Variants in COL24A1 observed in about 807,000 individuals in gnomAD.
COL24A1 encodes the protein collagen alpha-1(XXIV) chain.
In COL24A1, 224 loss-of-function variants were observed where a neutral mutation model predicts 253.9. The ratio of observed to expected loss-of-function variants is 0.88; its 90% CI spans 0.79 to 0.99. The LOEUF is 0.99. Ranked by LOEUF, COL24A1 falls within the 50% of genes least tolerant of loss-of-function variation. The pLI is 0.00. For missense variants in COL24A1, 2,131 were observed against 2,068.5 expected (o/e 1.03, Z -0.59); for synonymous variants, 685 against 673.7 (o/e 1.02, Z -0.26).
At chr1:85,858,616 TCTCC>T (rs758179112) in intron 37 of COL24A1, among the ~76,000 whole-genome samples, 8 of 68,018 alleles carry the variant, frequency 1.2e-4, no homozygotes, top group African/African-American at 3.3e-4. Flanking sequence ...CTCCTTATTT[TCTCC>T]CTCCTTCCTT....
chr1:85,941,221 A>G (rs1688727858), intron 24 of COL24A1, among the ~76,000 whole-genome samples: 1 of 152,182 alleles, frequency 6.6e-6, no homozygotes, highest in African/African-American at 2.4e-5. Context: ...AATTAGTTCT[A>G]TATTTCTTCC....
At chr1:86,129,366 C>T (rs186878817) in intron 2 of COL24A1, among the ~76,000 whole-genome samples, 9 of 151,482 alleles carry the variant, frequency 5.9e-5, no homozygotes, top group Middle Eastern at 3.4e-3. Context: ...ATGTATACAG[C>T]CTTCAGATTT....
At chr1:86,064,143 C>G (rs1701311413) in intron 7 of COL24A1, among the ~76,000 whole-genome samples, 1 of 152,006 alleles carries the variant, frequency 6.6e-6, no homozygotes, top group South Asian at 2.1e-4. Context: ...AGTGCTAAGA[C>G]AAATGGCCTC....
intron 28 of COL24A1, among the ~76,000 whole-genome samples, chr1:85,901,376 A>G (rs2102846377): frequency 6.6e-6 from 1 of 152,276 alleles, no homozygotes; most frequent in East Asian, 1.9e-4. Context: ...AGGAAGAATG[A>G]CTATTATTAA....
intron 24 of COL24A1, among the ~76,000 whole-genome samples, chr1:85,915,085 A>C (rs1485822345): frequency 6.6e-6 from 1 of 152,204 alleles, no homozygotes; most frequent in Non-Finnish European, 1.5e-5. Context: ...TTAACATTTA[A>C]ATAGGTAAAC....
chr1:85,882,462 T>TCAAAAAA (rs532970375), intron 32 of COL24A1, among the ~76,000 whole-genome samples: 7 of 152,032 alleles, frequency 4.6e-5, no homozygotes, highest in Non-Finnish European at 2.9e-5. Context: ...AGACTCCGTC[T>TCAAAAAA]CAAAAAACAA....
Position 85,875,316 on chromosome 1 carries a change from A to C in COL24A1, c.3045T>G (p.Thr1015=), listed in dbSNP as rs138697961. The change falls in exon 34 of 60, where the codon ACT becomes ACG. Residue 1015 remains threonine (T), a synonymous_variant. Transcript: ENST00000370571. ...CACCTTGCAGACCAGACTCTCCCTC[A>C]GTGCCTGGAGGTCCCTACAAGAGAA... ...GEMGMEGPPG[T]EGESGLQGEP... 2.7e-4 allele frequency: 428 copies of C among 1,613,782 alleles called. No homozygotes were observed. The highest frequency in any genetic ancestry group is 6.6e-4 in the Middle Eastern group (4 of 6,060).
chr1:85,898,953 A>C (rs1461905949), intron 28 of COL24A1, among the ~76,000 whole-genome samples: 1 of 152,200 alleles, frequency 6.6e-6, no homozygotes, highest in Non-Finnish European at 1.5e-5. Context: ...TCACTGTAGC[A>C]GAAAAAACAG....
chr1:85,818,070 T>C lies in COL24A1; in HGVS notation c.3807A>G (p.Lys1269=). Reference sequence around the variant, plus strand: ...GTTTCCCAGAAGGACCAGGAGCTCCTTTTTTCCCCTTATTACCCTAAAGAT... The same window carrying C: ...GTTTCCCAGAAGGACCAGGAGCTCCCTTTTTCCCCTTATTACCCTAAAGAT... ...ERGSEGNKGK[K]GAPGPSGKPG... The change falls in exon 46 of 60, where the codon AAA becomes AAG. Residue 1269 remains lysine (K), a synonymous_variant. Transcript: ENST00000370571. The C allele has an allele frequency of 6.2e-7, 1 of 1,611,784 alleles. No individual in the cohort carries two copies. The highest frequency in any genetic ancestry group is 2.2e-5 in the East Asian group (1 of 44,836).
chr1:85,922,499 G>A (rs1686632643), intron 24 of COL24A1, among the ~76,000 whole-genome samples: 1 of 152,338 alleles, frequency 6.6e-6, no homozygotes, highest in African/African-American at 2.4e-5. Context: ...CCAGAAGAGA[G>A]TGGGGGGCCA....
intron 39 of COL24A1, among the ~76,000 whole-genome samples, chr1:85,845,124 T>C (rs749758198): frequency 3.3e-5 from 5 of 151,892 alleles, no homozygotes; most frequent in Non-Finnish European, 7.4e-5. Context: ...TTAAATAAAA[T>C]GTTAAAAAAT....
At chr1:85,981,171 A>G (rs1009857771) in intron 20 of COL24A1, among the ~76,000 whole-genome samples, 4 of 152,152 alleles carry the variant, frequency 2.6e-5, no homozygotes, top group Non-Finnish European at 5.9e-5. Flanking sequence ...CTTTGGAACC[A>G]AAAAAGACCC....
chr1:85,741,367 T>C (rs1664624912), intron 57 of COL24A1, among the ~76,000 whole-genome samples: 1 of 152,164 alleles, frequency 6.6e-6, no homozygotes, highest in South Asian at 2.1e-4. Flanking sequence ...ATGTTATCTT[T>C]TATAGAAGAT....
intron 53 of COL24A1, among the ~76,000 whole-genome samples, chr1:85,766,904 A>T (rs1490821530): frequency 6.6e-6 from 1 of 152,078 alleles, no homozygotes; most frequent in Non-Finnish European, 1.5e-5. Flanking sequence ...AGGAGATCAA[A>T]CCATCCTGGC....
intron 55 of COL24A1, among the ~76,000 whole-genome samples, chr1:85,747,320 G>T (rs1456718953): frequency 6.6e-6 from 1 of 151,530 alleles, no homozygotes; most frequent in East Asian, 1.9e-4. Flanking sequence ...CACCATGTTG[G>T]CCAGGCTGGT....
chr1:86,036,399 T>C (rs1316532996), intron 12 of COL24A1, among the ~76,000 whole-genome samples: 2 of 152,102 alleles, frequency 1.3e-5, no homozygotes, highest in South Asian at 4.1e-4. Context: ...TGATCATGTA[T>C]TATCAATTTT....
At chr1:86,064,599 A>G (rs1701337996) in intron 7 of COL24A1, among the ~76,000 whole-genome samples, 1 of 152,232 alleles carries the variant, frequency 6.6e-6, no homozygotes, top group Admixed American at 6.5e-5. Flanking sequence ...GACTTAAAAT[A>G]TAATTCAAAA....
chr1:86,078,494 T>C (rs2101891515), intron 7 of COL24A1, among the ~76,000 whole-genome samples: 1 of 152,260 alleles, frequency 6.6e-6, no homozygotes, highest in East Asian at 1.9e-4. Flanking sequence ...GGCATCCAAA[T>C]TGGAAAGGAA....
intron 47 of COL24A1, among the ~76,000 whole-genome samples, chr1:85,804,124 C>A (rs573071892): frequency 6.6e-6 from 1 of 151,656 alleles, no homozygotes; most frequent in African/African-American, 2.4e-5. Flanking sequence ...AAAAAGGAGT[C>A]TAGAAATAAC....
Sources: gnomAD v4.1 joint callset for allele counts (sites outside exome capture counted in the v4.1 genomes callset) on GRCh38, gnomAD v4.1.1 for gene constraint, MANE v1.5 for transcripts, NCBI Gene and HGNC (gene_info 2026-07-23, HGNC 2026-07-21) for gene names.